The following DHRSX variants were observed in gnomAD, a reference collection of about 807,000 sequenced individuals.
DHRSX encodes polyprenol dehydrogenase.
DHRSX carries 31 observed loss-of-function variants against 34.0 expected under a neutral mutation model. The ratio of observed to expected loss-of-function variants is 0.91; its 90% CI spans 0.69 to 1.23. The LOEUF is 1.23. DHRSX is among the 50% of genes most tolerant of loss of function. The pLI is 0.00. For synonymous variants in DHRSX, 201 were observed against 183.8 expected, an observed-to-expected ratio of 1.09 and a Z score of -0.76; for missense variants, 414 against 428.1, an observed-to-expected ratio of 0.97 and a Z score of 0.29.
chrX:2,425,532 A>G (rs1488854254), intron 1 of DHRSX, among the ~76,000 whole-genome samples: 4 of 152,148 alleles, frequency 2.6e-5, no homozygotes, highest in Non-Finnish European at 4.4e-5. Flanking sequence ...ATCCCCTGTC[A>G]TCCCCTGTGA....
chrX:2,359,627 T>G (rs904636631), intron 3 of DHRSX, among the ~76,000 whole-genome samples: 1 of 151,784 alleles, frequency 6.6e-6, no homozygotes, highest in African/African-American at 2.4e-5. Context: ...GCAGAGGAAT[T>G]TTCAAGGGTA....
At chrX:2,243,792 T>TTTTTTTTG (rs1169302733) in intron 5 of DHRSX, among the ~76,000 whole-genome samples, 5 of 32,314 alleles carry the variant, frequency 1.5e-4, no homozygotes, top group African/African-American at 9.3e-4. Context: ...CTCCCTGTTT[T>TTTTTTTTG]TTTTTTTTTT....
chrX:2,238,096 A>G (rs147721281), intron 6 of DHRSX, among the ~76,000 whole-genome samples: 3,947 of 152,180 alleles, frequency 0.026, 108 homozygotes, highest in Non-Finnish European at 0.044. Flanking sequence ...TGCACAAATC[A>G]TAATCCCAAC....
intron 3 of DHRSX, among the ~76,000 whole-genome samples, chrX:2,299,328 G>A (rs751693319): frequency 6.6e-6 from 1 of 152,224 alleles, no homozygotes; most frequent in East Asian, 1.9e-4. Flanking sequence ...TTCTGACAGT[G>A]AGACAGTATC....
At chrX:2,385,477 C>T (rs2043260790) in intron 3 of DHRSX, among the ~76,000 whole-genome samples, 3 of 152,088 alleles carry the variant, frequency 2.0e-5, no homozygotes, top group African/African-American at 7.2e-5. Flanking sequence ...CAGGATCATT[C>T]TTATCTCAGG....
chrX:2,275,238 C>T (rs2041610690), intron 4 of DHRSX, among the ~76,000 whole-genome samples: 1 of 151,480 alleles, frequency 6.6e-6, no homozygotes, highest in African/African-American at 2.4e-5. Flanking sequence ...TGACTCACAC[C>T]TGTAATCCCA....
chrX:2,387,638 C>A (rs1161693216), intron 3 of DHRSX, among the ~76,000 whole-genome samples: 1 of 152,012 alleles, frequency 6.6e-6, no homozygotes, highest in Non-Finnish European at 1.5e-5. Context: ...CTGCCTTTCC[C>A]AGCCCACGGA....
chrX:2,445,037 A>G (rs1417772031), intron 1 of DHRSX, among the ~76,000 whole-genome samples: 1 of 151,928 alleles, frequency 6.6e-6, no homozygotes, highest in African/African-American at 2.4e-5. Flanking sequence ...GACACCGGTA[A>G]TCCCAGCTAC....
intron 1 of DHRSX, among the ~76,000 whole-genome samples, chrX:2,443,099 C>T (rs1327578934): frequency 1.3e-5 from 2 of 152,142 alleles, no homozygotes; most frequent in Non-Finnish European, 2.9e-5. Context: ...GTGGTGTGAT[C>T]ATGGCTCACT....
At chrX:2,386,301 C>G (rs1195120368) in intron 3 of DHRSX, among the ~76,000 whole-genome samples, 1 of 152,092 alleles carries the variant, frequency 6.6e-6, no homozygotes, top group Non-Finnish European at 1.5e-5. Context: ...TCACTACAAC[C>G]TCCACCTCCC....
At chrX:2,491,078 T>TG (rs2045129883) in intron 1 of DHRSX, among the ~76,000 whole-genome samples, 1 of 80,206 alleles carries the variant, frequency 1.2e-5, no homozygotes, top group Non-Finnish European at 2.9e-5. Flanking sequence ...TTTTTTTTTT[T>TG]TTTTTTTTTG....
Position 2,389,068 on chromosome X carries a change from T to G in DHRSX, c.286+19677A>C. ...GTTTAAACCACCTGGTCTGTGGATC[T>G]CTGTAACACTCGGCAACGCTACAAG... On this transcript the variant is annotated intron_variant, in intron 3 of 6. Coordinates refer to ENST00000334651, the MANE Select transcript of DHRSX (RefSeq NM_145177.3). Among the ~76,000 whole-genome samples, 3 of 152,330 alleles carry G rather than the reference T, an allele frequency of 2.0e-5. No individual in the cohort carries two copies. In the South Asian group the frequency reaches 6.2e-4, roughly 32 times the overall value.
At chrX:2,413,020 G>A (rs2043650828) in intron 2 of DHRSX, among the ~76,000 whole-genome samples, 1 of 152,084 alleles carries the variant, frequency 6.6e-6, no homozygotes, top group Admixed American at 6.6e-5. Flanking sequence ...CCTGGCAAAA[G>A]CCTGTCTCTA....
At chrX:2,341,799 T>TTTTG (rs1485302880) in intron 3 of DHRSX, among the ~76,000 whole-genome samples, 1 of 28,764 alleles carries the variant, frequency 3.5e-5, no homozygotes, top group Non-Finnish European at 1.2e-4. Flanking sequence ...TTAGAAGTTT[T>TTTTG]TTTGTTTGTT....
chrX:2,444,725 A>C (rs1159304919), intron 1 of DHRSX, among the ~76,000 whole-genome samples: 1 of 152,054 alleles, frequency 6.6e-6, no homozygotes, highest in Non-Finnish European at 1.5e-5. Flanking sequence ...AGTCCCAGCT[A>C]TCATGAGGCT....
intron 1 of DHRSX, among the ~76,000 whole-genome samples, chrX:2,483,166 G>A (rs2044799939): frequency 6.6e-6 from 1 of 152,122 alleles, no homozygotes; most frequent in African/African-American, 2.4e-5. Context: ...GCTCACTGCA[G>A]CCTCGACTTT....
chrX:2,233,222 G>A (rs1379130872), intron 6 of DHRSX, among the ~76,000 whole-genome samples: 1 of 152,136 alleles, frequency 6.6e-6, no homozygotes, highest in Non-Finnish European at 1.5e-5. Context: ...GCTGACAGAC[G>A]CTGTCTTCCA....
intron 5 of DHRSX, among the ~76,000 whole-genome samples, chrX:2,253,940 A>C (rs1484488545): frequency 6.6e-6 from 1 of 152,150 alleles, no homozygotes; most frequent in Non-Finnish European, 1.5e-5. Context: ...AGACGCCTGT[A>C]GTCCCAGCTA....
intron 3 of DHRSX, among the ~76,000 whole-genome samples, chrX:2,352,431 AAC>A (rs2042799561): frequency 6.6e-6 from 1 of 152,138 alleles, no homozygotes; most frequent in African/African-American, 2.4e-5. Flanking sequence ...GTGCTTCATC[AAC>A]AGAGGTGTGA....
Sources: allele counts gnomAD v4.1 joint callset (sites outside exome capture counted in the v4.1 genomes callset), GRCh38; gene constraint gnomAD v4.1.1; transcripts MANE v1.5; gene names NCBI Gene and HGNC (gene_info 2026-07-23, HGNC 2026-07-21).